Variants in COX10 observed in about 807,000 individuals in gnomAD.
COX10 encodes the protein cytochrome c oxidase assembly factor heme A:farnesyltransferase COX10, also known as protoheme IX farnesyltransferase, mitochondrial.
In COX10, 27 loss-of-function variants were observed where a neutral mutation model predicts 37.3. The observed-to-expected ratio is 0.72, with a 90% CI of 0.53 to 1.00. The LOEUF (loss-of-function observed/expected upper bound fraction) is 1.00. COX10 is among the 50% of genes least tolerant of loss of function. The pLI is 0.00. For missense variants in COX10, 475 were observed against 563.2 expected (o/e 0.84, Z 1.59); for synonymous variants, 222 against 229.1 (o/e 0.97, Z 0.28).
At chr17:14,122,129 G>A (rs149713507) in intron 4 of COX10, among the ~76,000 whole-genome samples, 163 of 152,192 alleles carry the variant, frequency 1.1e-3, no homozygotes, top group African/African-American at 3.8e-3. Context: ...TATTACCATC[G>A]CCCCAGCAAC....
intron 4 of COX10, among the ~76,000 whole-genome samples, chr17:14,152,849 C>T (rs775479300): frequency 1.3e-4 from 20 of 152,242 alleles, no homozygotes; most frequent in Non-Finnish European, 2.1e-4. Flanking sequence ...TGGAAAAGCT[C>T]GGGGATCAGC....
chr17:14,192,335 G>A, intron 6 of COX10, 114 bp downstream of exon 6: 1 of 1,613,684 alleles, frequency 6.2e-7, no homozygotes, highest in Non-Finnish European at 8.5e-7. Context: ...AATTCTTTTA[G>A]CAAATGTGCT....
At chr17:14,179,002 A>C (rs2142254484) in intron 5 of COX10, among the ~76,000 whole-genome samples, 1 of 152,348 alleles carries the variant, frequency 6.6e-6, no homozygotes, top group South Asian at 2.1e-4. Context: ...GTGTATCTAA[A>C]GCTATGATTC....
intron 5 of COX10, among the ~76,000 whole-genome samples, chr17:14,182,536 A>G (rs1344137497): frequency 6.6e-6 from 1 of 152,170 alleles, no homozygotes; most frequent in African/African-American, 2.4e-5. Flanking sequence ...TCAGAAATAG[A>G]AAACTCCTAA....
chr17:14,204,852 T>C (rs564154983), intron 6 of COX10, among the ~76,000 whole-genome samples: 1 of 152,306 alleles, frequency 6.6e-6, no homozygotes, highest in South Asian at 2.1e-4. Flanking sequence ...CTGTAATCTC[T>C]GTACTTTGAG....
At chr17:14,091,859 A>T (rs186636573) in intron 3 of COX10, among the ~76,000 whole-genome samples, 1 of 151,832 alleles carries the variant, frequency 6.6e-6, no homozygotes, top group Admixed American at 6.6e-5. Flanking sequence ...TGAAACTGAG[A>T]TAAAGCTTTA....
chr17:14,182,052 A>G (rs926850480), intron 5 of COX10: 21 of 982,784 alleles, frequency 2.1e-5, no homozygotes, highest in Non-Finnish European at 2.4e-5. Flanking sequence ...CTAGATTAAC[A>G]GGATTCTTTC....
chr17:14,143,854 G>A (rs1057336793), intron 4 of COX10, among the ~76,000 whole-genome samples: 1 of 152,022 alleles, frequency 6.6e-6, no homozygotes, highest in Non-Finnish European at 1.5e-5. Flanking sequence ...TCTCTCTGTT[G>A]TATAGAGTCT....
rs528431715 is a variant in COX10, at chr17:14,110,475, G to T, written c.624+8233G>T. Reference sequence around the variant, plus strand: ...TGGAAATGATACAATGTGGACTTGGGGAGTTATAATTCTTGGTGTGTATCT... The same window carrying T: ...TGGAAATGATACAATGTGGACTTGGTGAGTTATAATTCTTGGTGTGTATCT... On this transcript the variant is annotated intron_variant, in intron 4 of 6. Transcript: ENST00000261643. Among the ~76,000 whole-genome samples, 4 of 152,102 alleles carry T rather than the reference G, an allele frequency of 2.6e-5. No homozygotes were observed. The South Asian group carries it at 8.3e-4, about 32-fold the overall frequency.
chr17:14,122,416 G>C (rs986817725), intron 4 of COX10, among the ~76,000 whole-genome samples: 3 of 152,114 alleles, frequency 2.0e-5, no homozygotes, highest in Non-Finnish European at 4.4e-5. Flanking sequence ...AATCTTACCA[G>C]ATCCTTGCTT....
At chr17:14,129,009 T>C (rs1916404471) in intron 4 of COX10, among the ~76,000 whole-genome samples, 2 of 152,192 alleles carry the variant, frequency 1.3e-5, no homozygotes, top group African/African-American at 4.8e-5. Context: ...CACACTGGGC[T>C]AATTTTTGTA....
chr17:14,102,656 A>C (rs1331707450), intron 4 of COX10, among the ~76,000 whole-genome samples: 2 of 152,170 alleles, frequency 1.3e-5, no homozygotes, highest in African/African-American at 4.8e-5. Context: ...TTAACTATGC[A>C]TATTCAGCTA....
intron 5 of COX10, among the ~76,000 whole-genome samples, chr17:14,170,953 C>A (rs1905448347): frequency 6.6e-6 from 1 of 152,162 alleles, no homozygotes; most frequent in South Asian, 2.1e-4. Context: ...GAGTTGTTTA[C>A]AGAATTTGAA....
At chr17:14,070,290 A>T (rs1468259314) in intron 1 of COX10, among the ~76,000 whole-genome samples, 2 of 152,096 alleles carry the variant, frequency 1.3e-5, no homozygotes, top group Admixed American at 6.6e-5. Context: ...CCCTATATAA[A>T]CTAGGGCCCC....
Position 14,206,911 on chromosome 17 carries a change from A to T in COX10, c.1030A>T (p.Met344Leu). ...REDYSRGGYC[M>L]MSVTHPGLCR... ...AGACTACTCCCGGGGCGGCTACTGC[A>T]TGATGTCGGTCACCCACCCGGGCCT... is the stretch of plus-strand genomic sequence containing the variant. Residue 344 changes from methionine (M) to leucine (L), a missense_variant, in exon 7 of 7, where the codon ATG becomes TTG. Met to Leu is a conservative substitution (Grantham distance 15, BLOSUM62 2). Around this residue, in one of 5 missense-constraint regions of COX10, gnomAD observed 160 missense variants for 180.6 expected, o/e 0.89. Coordinates refer to ENST00000261643, the MANE Select transcript of COX10 (RefSeq NM_001303.4). 1 of 1,613,892 alleles carries T rather than the reference A, an allele frequency of 6.2e-7. No homozygotes were observed. The highest frequency in any genetic ancestry group is 2.2e-5 in the East Asian group (1 of 44,846).
intron 4 of COX10, among the ~76,000 whole-genome samples, chr17:14,156,841 A>C (rs1306426104): frequency 6.6e-6 from 1 of 152,106 alleles, no homozygotes; most frequent in Non-Finnish European, 1.5e-5. Flanking sequence ...CTGTCCTTCT[A>C]CTGCACATGT....
At chr17:14,095,148 G>C (rs1915616105) in intron 3 of COX10, among the ~76,000 whole-genome samples, 1 of 152,190 alleles carries the variant, frequency 6.6e-6, no homozygotes, top group South Asian at 2.1e-4. Flanking sequence ...TGCCCAAGGA[G>C]AAATAATTTC....
chr17:14,151,752 T>C (rs1904905059), intron 4 of COX10, among the ~76,000 whole-genome samples: 1 of 152,166 alleles, frequency 6.6e-6, no homozygotes, highest in South Asian at 2.1e-4. Context: ...ACATTGAATA[T>C]TGGGGAAGGG....
chr17:14,163,247 T>G (rs71361432), intron 5 of COX10, among the ~76,000 whole-genome samples: 35,582 of 150,910 alleles, frequency 0.24, 5,174 homozygotes, highest in Admixed American at 0.32. Flanking sequence ...ATTTATTTAT[T>G]TATTTATTTA....
Sources: allele counts gnomAD v4.1 joint callset (sites outside exome capture counted in the v4.1 genomes callset), GRCh38; gene constraint gnomAD v4.1.1; regional missense constraint gnomAD v4.1.1; transcripts MANE v1.5; gene names NCBI Gene and HGNC (gene_info 2026-07-23, HGNC 2026-07-21).